Variants in LIMCH1 observed in about 807,000 individuals in gnomAD.
The protein encoded by LIMCH1 is LIM and calponin homology domains-containing protein 1.
LIMCH1 carries 113 observed loss-of-function variants against 176.5 expected under a neutral mutation model. The ratio of observed to expected loss-of-function variants is 0.64; its 90% CI spans 0.55 to 0.75. LIMCH1 has a LOEUF of 0.75. Ranked by LOEUF, LIMCH1 falls within the 30% of genes least tolerant of loss-of-function variation. The pLI is 0.00. For missense variants in LIMCH1, 1,674 were observed against 1,814.9 expected, an observed-to-expected ratio of 0.92 and a Z score of 1.41; for synonymous variants, 619 against 645.9, an observed-to-expected ratio of 0.96 and a Z score of 0.63.
intron 7 of LIMCH1, among the ~76,000 whole-genome samples, chr4:41,622,594 T>TG (rs35095789): frequency 6.6e-6 from 1 of 152,170 alleles, no homozygotes; most frequent in Non-Finnish European, 1.5e-5. Context: ...GGGTAAAGGC[T>TG]GGGAAGTCCA....
At chr4:41,572,830 A>G (rs954003441) in intron 1 of LIMCH1, among the ~76,000 whole-genome samples, 1 of 152,198 alleles carries the variant, frequency 6.6e-6, no homozygotes, top group African/African-American at 2.4e-5. Flanking sequence ...GAATGAGGAA[A>G]CTGAAAGAGG....
chr4:41,679,113 A>G (rs1326240140), intron 23 of LIMCH1, among the ~76,000 whole-genome samples: 1 of 152,188 alleles, frequency 6.6e-6, no homozygotes, highest in Non-Finnish European at 1.5e-5. Flanking sequence ...TTCCCCATGA[A>G]GACAGAAGCA....
At chr4:41,535,840 G>GTT (rs973674328), upstream of LIMCH1, among the ~76,000 whole-genome samples, 7 of 152,028 alleles carry the variant, frequency 4.6e-5, no homozygotes, top group Admixed American at 1.3e-4. Flanking sequence ...GAGGTGGAAG[G>GTT]TTATATATAG....
At chr4:41,454,855 T>C (rs1327507682) in intron 1 of LIMCH1, among the ~76,000 whole-genome samples, 5 of 152,146 alleles carry the variant, frequency 3.3e-5, no homozygotes, top group Non-Finnish European at 5.9e-5. Context: ...ATCGAAATCC[T>C]GACCTTCTCT....
chr4:41,500,177 C>G (rs1214134881), intron 2 of LIMCH1, among the ~76,000 whole-genome samples: 1 of 152,208 alleles, frequency 6.6e-6, no homozygotes, highest in African/African-American at 2.4e-5. Flanking sequence ...TCTATTTTGT[C>G]ATCTGTGAAA....
At chr4:41,518,814 A>G (rs938585082) in intron 2 of LIMCH1, among the ~76,000 whole-genome samples, 7 of 152,038 alleles carry the variant, frequency 4.6e-5, no homozygotes, top group African/African-American at 1.7e-4. Context: ...ACTCCCACTT[A>G]TAAGTGAGAA....
chr4:41,415,803 CCG>C (rs2059874023), intron 1 of LIMCH1, among the ~76,000 whole-genome samples: 1 of 151,348 alleles, frequency 6.6e-6, no homozygotes, highest in Non-Finnish European at 1.5e-5. Context: ...CGGTGAAACC[CCG>C]TGTCTACTAA....
chr4:41,521,512 T>G (rs1328914695), intron 2 of LIMCH1, among the ~76,000 whole-genome samples: 1 of 152,208 alleles, frequency 6.6e-6, no homozygotes, highest in African/African-American at 2.4e-5. Flanking sequence ...TTAATAAAAT[T>G]GCAAGTGAAT....
chr4:41,589,141 A>G (rs2087015521), intron 1 of LIMCH1, among the ~76,000 whole-genome samples: 1 of 152,236 alleles, frequency 6.6e-6, no homozygotes. Flanking sequence ...GAGAGAAAAG[A>G]GCAAAGTTTG....
At chr4:41,687,074 T>C (rs985913846) in intron 28 of LIMCH1, among the ~76,000 whole-genome samples, 9 of 152,204 alleles carry the variant, frequency 5.9e-5, no homozygotes, top group Non-Finnish European at 1.3e-4. Context: ...GGAGTTATGC[T>C]GAAAGCGGAA....
At chr4:41,681,580 C>T (rs1176250532) in intron 25 of LIMCH1, among the ~76,000 whole-genome samples, 2 of 152,018 alleles carry the variant, frequency 1.3e-5, no homozygotes, top group Admixed American at 1.3e-4. Context: ...GCAAAGGATC[C>T]CTTAAGCCAA....
chr4:41,534,013 G>C (rs935414987), upstream of LIMCH1, among the ~76,000 whole-genome samples: 5 of 152,168 alleles, frequency 3.3e-5, no homozygotes, highest in Admixed American at 6.5e-5. Context: ...TGCCATCTGG[G>C]GGTGTTTGGA....
intron 1 of LIMCH1, among the ~76,000 whole-genome samples, chr4:41,379,202 A>G (rs2055258515): frequency 6.6e-6 from 1 of 152,204 alleles, no homozygotes; most frequent in African/African-American, 2.4e-5. Context: ...GGCAGGTGTC[A>G]TCTGAAGGCT....
chr4:41,590,039 A>C lies in LIMCH1; in HGVS notation c.-240-8881A>C, dbSNP rs181078025. Reference sequence around the variant, plus strand: ...ATGGCCAATCCAAAGAGAGGTGCTCATATCTTCCCCCTCTGGTTTAGCTCT... The same window carrying C: ...ATGGCCAATCCAAAGAGAGGTGCTCCTATCTTCCCCCTCTGGTTTAGCTCT... On this transcript the variant is annotated intron_variant, in intron 1 of 31. Coordinates refer to ENST00000503057, the MANE Select transcript of LIMCH1 (RefSeq NM_001330672.2). Among the ~76,000 whole-genome samples, 9 of 152,260 alleles carry C rather than the reference A, an allele frequency of 5.9e-5. 1 individual carries two copies. The highest frequency in any genetic ancestry group is 1.9e-4 in the African/African-American group (8 of 41,538).
intron 1 of LIMCH1, among the ~76,000 whole-genome samples, chr4:41,481,862 T>G (rs1162736174): frequency 6.6e-6 from 1 of 151,892 alleles, no homozygotes. Flanking sequence ...TTTTTTTTTT[T>G]TCTTTTGAGA....
At chr4:41,545,508 G>A (rs958992971) in intron 1 of LIMCH1, among the ~76,000 whole-genome samples, 4 of 152,168 alleles carry the variant, frequency 2.6e-5, no homozygotes, top group Admixed American at 2.6e-4. Flanking sequence ...GAAAATCACA[G>A]CAAGGGTGAT....
intron 1 of LIMCH1, among the ~76,000 whole-genome samples, chr4:41,394,176 A>G (rs1396323559): frequency 6.6e-6 from 1 of 152,076 alleles, no homozygotes; most frequent in Non-Finnish European, 1.5e-5. Flanking sequence ...TTTATGTATT[A>G]TTGACAGTTT....
intron 1 of LIMCH1, among the ~76,000 whole-genome samples, chr4:41,454,450 G>GGAGA (rs58614605): frequency 0.019 from 2,791 of 148,416 alleles, 74 homozygotes; most frequent in South Asian, 0.11. Context: ...ATGATGAGGG[G>GGAGA]GAGAGAGAGA....
At chr4:41,531,474 T>TCACACACACACACACACA (rs59275736) in intron 3 of LIMCH1, among the ~76,000 whole-genome samples, 41 of 127,072 alleles carry the variant, frequency 3.2e-4, no homozygotes, top group African/African-American at 1.3e-3. Context: ...TCTTTCTCTG[T>TCACACACACACACACACA]CACACACACA....
Sources: allele counts gnomAD v4.1 joint callset (sites outside exome capture counted in the v4.1 genomes callset), GRCh38; gene constraint gnomAD v4.1.1; transcripts MANE v1.5; gene names NCBI Gene and HGNC (gene_info 2026-07-23, HGNC 2026-07-21).